Variants in MED13 observed in about 807,000 individuals in gnomAD.
MED13 encodes mediator of RNA polymerase II transcription subunit 13.
In MED13, 23 loss-of-function variants were observed where a neutral mutation model predicts 225.2. That is an observed-to-expected ratio of 0.10 (90% CI 0.07 to 0.14). MED13 has a LOEUF of 0.14. Among genes scored for constraint, MED13 ranks in the 10% least tolerant of loss-of-function variants. The probability of loss-of-function intolerance (pLI) is 1.00; values close to 1 mark genes in which losing one functional copy is unlikely to be tolerated. For synonymous variants in MED13, 942 were observed against 889.2 expected (o/e 1.06, Z -1.06); for missense variants, 2,197 against 2,594.5 (o/e 0.85, Z 3.33).
intron 3 of MED13, among the ~76,000 whole-genome samples, chr17:62,047,226 C>T (rs556653603): frequency 5.8e-4 from 88 of 152,058 alleles, no homozygotes; most frequent in African/African-American, 2.1e-3. Flanking sequence ...CAAAAATTAG[C>T]CGGGCGTGCT....
At chr17:61,947,095 T>C (rs1188725515) in intron 28 of MED13, 78 bp from the exon 29 acceptor site, 4 of 944,598 alleles carry the variant, frequency 4.2e-6, no homozygotes, top group Middle Eastern at 2.1e-4. Context: ...ATTCTCCCAA[T>C]ATATCTTATA....
intron 9 of MED13, chr17:62,003,960 A>T (rs2080421976): frequency 6.6e-6 from 1 of 152,204 alleles, no homozygotes. Flanking sequence ...TTACTTACAG[A>T]TAGTCATGTA....
intron 8 of MED13, among the ~76,000 whole-genome samples, chr17:62,021,499 G>T (rs1390971200): frequency 6.6e-6 from 1 of 151,974 alleles, no homozygotes; most frequent in Non-Finnish European, 1.5e-5. Context: ...CGGCCGGGCA[G>T]AGGCGCCCCT....
chr17:61,967,934 C>T (rs10512491), intron 18 of MED13, 101 bp downstream of exon 18: 72,815 of 852,818 alleles, frequency 0.085, 5,208 homozygotes, highest in South Asian at 0.29. Context: ...AATCTGACAT[C>T]ATCACTGTGT....
chr17:62,035,421 T>G (rs769980514), intron 4 of MED13, 42 bp downstream of exon 4: 9 of 1,491,848 alleles, frequency 6.0e-6, no homozygotes, highest in Non-Finnish European at 8.2e-6. Context: ...ATAAGGATCT[T>G]TCAATAAAAG....
At chr17:61,957,128 C>T (rs138771101) in intron 23 of MED13, among the ~76,000 whole-genome samples, 147 of 152,076 alleles carry the variant, frequency 9.7e-4, no homozygotes, top group South Asian at 1.9e-3. Context: ...CTCACTGCAA[C>T]CTCTGCCTCC....
At chr17:62,034,128 A>C in intron 4 of MED13, 144 bp from the exon 5 acceptor site, 3 of 671,932 alleles carry the variant, frequency 4.5e-6, no homozygotes, top group South Asian at 2.0e-5. Context: ...AAATCAACTT[A>C]TTATACTTCG....
rs1375412697 is a variant in MED13 at position 61,943,571 on chromosome 17, G to A, written c.*2897C>T. On this transcript the variant is annotated 3_prime_UTR_variant, in exon 30 of 30. Coordinates refer to ENST00000397786, the MANE Select transcript of MED13 (RefSeq NM_005121.3). The stretch of plus-strand genomic sequence containing the variant: ...TAAGTAGTAAGAGCTTAATTTTAGT[G>A]GTTTAAGAAAAGTTTAGAAATATTT... The A allele has an allele frequency of 6.6e-6, 1 of 152,472 alleles. No homozygotes were observed. The highest frequency in any genetic ancestry group is 1.5e-5 in the Non-Finnish European group (1 of 67,970). The allele number at this position is 152,472 out of a possible 1,614,324, so 9.4% of individuals were successfully genotyped here. A position where few individuals can be genotyped will look rare whatever the true frequency, so the allele number is the denominator to read the frequency against.
intron 2 of MED13, among the ~76,000 whole-genome samples, chr17:62,058,357 C>T (rs2081011254): frequency 1.3e-5 from 2 of 151,714 alleles, no homozygotes; most frequent in African/African-American, 4.8e-5. Context: ...AAAATCTCTA[C>T]CAAAAATACA....
At position 61,943,195 on chromosome 17, in the gene MED13, A is replaced by T. The variant is rs2079827724; in HGVS notation, c.*3273T>A. 1 of 152,604 alleles carries T rather than the reference A, an allele frequency of 6.6e-6. No individual in the cohort carries two copies. The highest frequency in any genetic ancestry group is 2.4e-5 in the African/African-American group (1 of 41,466). The allele number at this position is 152,604 out of a possible 1,614,324, so 9.5% of individuals were successfully genotyped here. A position where few individuals can be genotyped will look rare whatever the true frequency, so the allele number is the denominator to read the frequency against. On this transcript the variant is annotated 3_prime_UTR_variant, in exon 30 of 30. Transcript: ENST00000397786. ...AAAAACATTTTTCCTTAATTCAGAC[A>T]AACTAAAATCTTAAGAGGAAACCCA...
intron 8 of MED13, among the ~76,000 whole-genome samples, chr17:62,015,184 C>G (rs879663161): frequency 2.0e-5 from 3 of 152,142 alleles, no homozygotes; most frequent in Non-Finnish European, 4.4e-5. Context: ...CTGAGAAAAT[C>G]TGGACAAGGT....
chr17:61,979,772 A>T (rs1031620740), intron 16 of MED13, among the ~76,000 whole-genome samples: 1 of 152,154 alleles, frequency 6.6e-6, no homozygotes, highest in Non-Finnish European at 1.5e-5. Context: ...AACCCACTCC[A>T]ATCAGATTGA....
intron 9 of MED13, among the ~76,000 whole-genome samples, chr17:61,996,587 G>A (rs1200254197): frequency 2.0e-5 from 3 of 151,884 alleles, no homozygotes; most frequent in African/African-American, 7.3e-5. Flanking sequence ...CTTTTATGGG[G>A]AACATTCTCC....
chr17:61,969,523 A>G (rs1260067918), intron 17 of MED13, among the ~76,000 whole-genome samples: 1 of 152,090 alleles, frequency 6.6e-6, no homozygotes, highest in Non-Finnish European at 1.5e-5. Context: ...ACATTTAAAA[A>G]TAATATAATT....
intron 12 of MED13, among the ~76,000 whole-genome samples, chr17:61,986,586 G>C (rs943198217): frequency 2.0e-5 from 3 of 152,120 alleles, no homozygotes; most frequent in African/African-American, 7.2e-5. Context: ...AAATTCAAAA[G>C]AGCTGGTATT....
intron 11 of MED13, among the ~76,000 whole-genome samples, chr17:61,987,568 CGA>C (rs1343320780): frequency 1.3e-5 from 2 of 151,738 alleles, no homozygotes; most frequent in Non-Finnish European, 2.9e-5. Flanking sequence ...TGTTTAAAAT[CGA>C]GAAAGTGTTT....
rs542444239 is a variant in MED13, at chr17:62,015,843, A to G, written c.1284-4610T>C. On this transcript the variant is annotated intron_variant, in intron 8 of 29. Coordinates refer to ENST00000397786, the MANE Select transcript of MED13 (RefSeq NM_005121.3). Reference sequence around the variant, plus strand: ...ATACACACTATATATATACACACACACTATATATATGTGTATAGTGTGTAT... The same window carrying G: ...ATACACACTATATATATACACACACGCTATATATATGTGTATAGTGTGTAT... Among the ~76,000 whole-genome samples the G allele has an allele frequency of 4.9e-4, 57 of 117,422 alleles. 1 individual carries two copies. Among genetic ancestry groups the G allele is most frequent in the African/African-American group, 1.7e-3 (54 of 31,586 alleles). 77.0% of individuals were successfully genotyped at this position (117,422 alleles called of 152,430 possible).
At chr17:62,026,532 CAAGAT>C (rs1414936870) in intron 8 of MED13, among the ~76,000 whole-genome samples, 1 of 143,708 alleles carries the variant, frequency 7.0e-6, no homozygotes, top group Non-Finnish European at 1.5e-5. Flanking sequence ...AAAAGTGGCA[CAAGAT>C]AAGAATGCCT....
intron 3 of MED13, among the ~76,000 whole-genome samples, chr17:62,036,571 G>C (rs2080805583): frequency 6.6e-6 from 1 of 152,142 alleles, no homozygotes; most frequent in Non-Finnish European, 1.5e-5. Context: ...AATCAACTCA[G>C]AACCTGTTTT....
Sources: gnomAD v4.1 joint callset for allele counts (sites outside exome capture counted in the v4.1 genomes callset) on GRCh38, gnomAD v4.1.1 for gene constraint, MANE v1.5 for transcripts, NCBI Gene and HGNC (gene_info 2026-07-23, HGNC 2026-07-21) for gene names.